Variants in MTHFD2L observed in about 807,000 individuals in gnomAD.
The protein encoded by MTHFD2L is bifunctional methylenetetrahydrofolate dehydrogenase/cyclohydrolase 2, mitochondrial.
A neutral mutation model predicts 34.9 loss-of-function variants in MTHFD2L; 29 were observed. That is an observed-to-expected ratio of 0.83 (90% CI 0.62 to 1.13). MTHFD2L has a LOEUF of 1.13. MTHFD2L is among the 50% of genes most tolerant of loss of function. The probability of loss-of-function intolerance (pLI) is 0.00; values close to 1 mark genes in which losing one functional copy is unlikely to be tolerated. For synonymous variants in MTHFD2L, 167 were observed against 155.7 expected, an observed-to-expected ratio of 1.07 and a Z score of -0.54; for missense variants, 481 against 446.5, an observed-to-expected ratio of 1.08 and a Z score of -0.70.
At chr4:74,277,270 C>T (rs1200749655) in intron 6 of MTHFD2L, among the ~76,000 whole-genome samples, 3 of 151,744 alleles carry the variant, frequency 2.0e-5, no homozygotes, top group Non-Finnish European at 2.9e-5. Context: ...CTTATCTGTG[C>T]TTGCCCCATT....
intron 1 of MTHFD2L, among the ~76,000 whole-genome samples, chr4:74,170,570 T>A (rs1416762316): frequency 6.6e-6 from 1 of 151,942 alleles, no homozygotes; most frequent in Non-Finnish European, 1.5e-5. Flanking sequence ...GCATGGTCCA[T>A]AAAAGGAAAA....
At chr4:74,164,405 A>G (rs2109911999) in intron 1 of MTHFD2L, among the ~76,000 whole-genome samples, 2 of 152,350 alleles carry the variant, frequency 1.3e-5, no homozygotes, top group South Asian at 4.1e-4. Flanking sequence ...TATTAAATAA[A>G]TCATTTGATT....
intron 5 of MTHFD2L, among the ~76,000 whole-genome samples, chr4:74,212,801 T>G (rs488460): frequency 0.031 from 4,759 of 152,212 alleles, 266 homozygotes; most frequent in African/African-American, 0.11. Flanking sequence ...TGGTGTTAAA[T>G]TCTCCCACTA....
chr4:74,215,804 A>C (rs1221255496), intron 5 of MTHFD2L, among the ~76,000 whole-genome samples: 1 of 151,764 alleles, frequency 6.6e-6, no homozygotes, highest in Non-Finnish European at 1.5e-5. Context: ...ACTTTTACTA[A>C]ATATAGGCAT....
In MTHFD2L at chr4:74,243,700, C is replaced by T. The variant is rs576252725; in HGVS notation, c.805+18306C>T. On this transcript the variant is annotated intron_variant, in intron 6 of 7. Coordinates refer to ENST00000325278, the MANE Select transcript of MTHFD2L (RefSeq NM_001144978.3). ...TGTTTTATTTTTTGTTTGGTCCTTA[C>T]ATCACAAGTATATCATAAGCACCTA... 3.2e-4 allele frequency among the ~76,000 whole-genome samples: 49 copies of T among 152,178 alleles called. 1 individual carries two copies. In the South Asian group the frequency reaches 8.7e-3, roughly 27 times the overall value.
At chr4:74,164,033 G>T (rs994168581) in intron 1 of MTHFD2L, among the ~76,000 whole-genome samples, 1 of 152,004 alleles carries the variant, frequency 6.6e-6, no homozygotes, top group South Asian at 2.1e-4. Flanking sequence ...CCGCCACCAC[G>T]CCCGGCTAAT....
intron 5 of MTHFD2L, among the ~76,000 whole-genome samples, chr4:74,211,868 T>C (rs1221724146): frequency 6.6e-6 from 1 of 152,180 alleles, no homozygotes; most frequent in South Asian, 2.1e-4. Flanking sequence ...TCAGAACTTG[T>C]TATTGGTCTA....
intron 1 of MTHFD2L, among the ~76,000 whole-genome samples, chr4:74,152,637 C>A (rs916339779): frequency 6.6e-6 from 1 of 152,088 alleles, no homozygotes; most frequent in Non-Finnish European, 1.5e-5. Context: ...TTAAGTCCTG[C>A]ATGCATTAGG....
At chr4:74,144,971 C>T (rs1384514823) in intron 1 of MTHFD2L, among the ~76,000 whole-genome samples, 1 of 151,944 alleles carries the variant, frequency 6.6e-6, no homozygotes, top group Non-Finnish European at 1.5e-5. Context: ...GATATCTGAT[C>T]CTCACCTCAC....
At chr4:74,140,609 C>T (rs950895434) in intron 1 of MTHFD2L, 1 of 869,034 alleles carries the variant, frequency 1.2e-6, no homozygotes, top group African/African-American at 1.8e-5. Flanking sequence ...TTAGTCCATT[C>T]TCACACTGCT....
intron 5 of MTHFD2L, among the ~76,000 whole-genome samples, chr4:74,206,999 C>T (rs1197880003): frequency 6.6e-6 from 1 of 152,092 alleles, no homozygotes; most frequent in Admixed American, 6.6e-5. Context: ...TTCCTGGACA[C>T]AGGTGATCCT....
intron 3 of MTHFD2L, chr4:74,194,458 A>C (rs538972794): frequency 6.6e-6 from 1 of 151,756 alleles, no homozygotes; most frequent in Non-Finnish European, 1.5e-5. Flanking sequence ...TTTTTCAGAT[A>C]GTTGTTTTTG....
At chr4:74,173,042 C>T (rs1049722797) in intron 1 of MTHFD2L, among the ~76,000 whole-genome samples, 1 of 152,072 alleles carries the variant, frequency 6.6e-6, no homozygotes, top group Non-Finnish European at 1.5e-5. Context: ...CCTCCTCTTT[C>T]TCTTCTGCTT....
At chr4:74,211,335 C>T (rs1169405388) in intron 5 of MTHFD2L, among the ~76,000 whole-genome samples, 2 of 152,040 alleles carry the variant, frequency 1.3e-5, no homozygotes, top group African/African-American at 2.4e-5. Context: ...ATAAATAGCT[C>T]TTATTATTTT....
intron 7 of MTHFD2L, among the ~76,000 whole-genome samples, chr4:74,284,564 T>G (rs1427644968): frequency 6.6e-6 from 1 of 151,924 alleles, no homozygotes; most frequent in East Asian, 1.9e-4. Flanking sequence ...GTTTGAGTTC[T>G]TTGTAGATTC....
intron 6 of MTHFD2L, among the ~76,000 whole-genome samples, chr4:74,247,839 C>A (rs1355184714): frequency 1.3e-5 from 2 of 152,094 alleles, no homozygotes; most frequent in African/African-American, 4.8e-5. Flanking sequence ...CCCACTTGAT[C>A]ATGGTGGATA....
chr4:74,137,034 A>AAATAC (rs1722982719), intron 1 of MTHFD2L, among the ~76,000 whole-genome samples: 1 of 152,194 alleles, frequency 6.6e-6, no homozygotes, highest in African/African-American at 2.4e-5. Context: ...AACTCTGAGG[A>AAATAC]AATACTTCAG....
chr4:74,148,843 T>G (rs1022744096), intron 1 of MTHFD2L, among the ~76,000 whole-genome samples: 1 of 151,830 alleles, frequency 6.6e-6, no homozygotes, highest in Non-Finnish European at 1.5e-5. Flanking sequence ...TCTGGCTTGT[T>G]TACATTTAGA....
intron 6 of MTHFD2L, among the ~76,000 whole-genome samples, chr4:74,247,572 A>G (rs1170274464): frequency 6.6e-6 from 1 of 152,154 alleles, no homozygotes; most frequent in Non-Finnish European, 1.5e-5. Context: ...TTCAAAGGGA[A>G]TGCTTCCAGG....
Sources: gnomAD v4.1 joint callset for allele counts (sites outside exome capture counted in the v4.1 genomes callset) on GRCh38, gnomAD v4.1.1 for gene constraint, MANE v1.5 for transcripts, NCBI Gene and HGNC (gene_info 2026-07-23, HGNC 2026-07-21) for gene names.